The following ABCA9 variants were observed in gnomAD, a reference collection of about 807,000 sequenced individuals.
ABCA9 encodes the protein ATP-binding cassette sub-family A member 9.
Under a neutral mutation model 205.3 loss-of-function variants are expected in ABCA9, and 183 were observed. The ratio of observed to expected loss-of-function variants is 0.89; its 90% confidence interval spans 0.79 to 1.01. The LOEUF (loss-of-function observed/expected upper bound fraction) is 1.01. Among genes scored for constraint, ABCA9 ranks in the 50% least tolerant of loss-of-function variants. The pLI, the probability that ABCA9 is intolerant of heterozygous loss-of-function variation, is 0.00. For missense variants in ABCA9, 1,805 were observed against 1,912.4 expected, an observed-to-expected ratio of 0.94 and a Z score of 1.05; for synonymous variants, 651 against 683.3, an observed-to-expected ratio of 0.95 and a Z score of 0.74.
At chr17:68,985,427 T>A (rs1231914663) in intron 32 of ABCA9, among the ~76,000 whole-genome samples, 1 of 151,948 alleles carries the variant, frequency 6.6e-6, no homozygotes, top group Non-Finnish European at 1.5e-5. Context: ...ATTGAGACCA[T>A]CCTGGCCAAC....
At chr17:68,989,550 A>T (rs118015720) in intron 30 of ABCA9, among the ~76,000 whole-genome samples, 4,494 of 152,186 alleles carry the variant, frequency 0.03, 102 homozygotes, top group Non-Finnish European at 0.048. Context: ...TTACCTAAAA[A>T]CTATACCATC....
intron 25 of ABCA9, among the ~76,000 whole-genome samples, chr17:69,005,356 C>T (rs909160780): frequency 2.0e-5 from 3 of 152,124 alleles, no homozygotes; most frequent in African/African-American, 7.2e-5. Flanking sequence ...AAGGGGTGGG[C>T]ACCCTATTAG....
intron 21 of ABCA9, 35 bp downstream of exon 21, chr17:69,017,621 C>G: frequency 6.2e-7 from 1 of 1,610,460 alleles, no homozygotes; most frequent in Non-Finnish European, 8.5e-7. Context: ...CATAGTCCAC[C>G]TTTGGTGAAA....
intron 32 of ABCA9, among the ~76,000 whole-genome samples, chr17:68,985,943 AGAAAAAAAAAG>A (rs1884467071): frequency 1.3e-5 from 2 of 150,148 alleles, no homozygotes; most frequent in Admixed American, 6.6e-5. Flanking sequence ...CCGTCTCAAA[AGAAAAAAAAAG>A]GAAAAAAGAA....
chr17:68,992,821 A>T (rs1041725326), intron 27 of ABCA9, 195 bp downstream of exon 27: 67 of 408,386 alleles, frequency 1.6e-4, no homozygotes, highest in Non-Finnish European at 2.8e-4. Context: ...CTCAAAAAAA[A>T]AAAAGGGGGG....
intron 23 of ABCA9, among the ~76,000 whole-genome samples, chr17:69,010,873 C>T (rs7207125): frequency 0.7 from 106,115 of 152,018 alleles, 37,502 homozygotes; most frequent in Middle Eastern, 0.76. Context: ...TTTGCTAAAA[C>T]AGGAAAATCA....
chr17:69,049,951 G>GT (rs1436000856), intron 2 of ABCA9, among the ~76,000 whole-genome samples: 1 of 151,862 alleles, frequency 6.6e-6, no homozygotes, highest in Non-Finnish European at 1.5e-5. Context: ...AAAAAACAAA[G>GT]TTTTTTTGAA....
chr17:69,052,072 A>G (rs1425664562), intron 1 of ABCA9, among the ~76,000 whole-genome samples: 2 of 152,194 alleles, frequency 1.3e-5, no homozygotes, highest in African/African-American at 2.4e-5. Context: ...ATGTCCAGCT[A>G]CCAAGAAAAA....
intron 5 of ABCA9, 85 bp downstream of exon 5, chr17:69,044,412 A>C: frequency 8.6e-7 from 1 of 1,165,882 alleles, no homozygotes; most frequent in Non-Finnish European, 1.2e-6. Context: ...GAAGTGAATA[A>C]ATGATAGAAT....
chr17:69,037,310 C>T (rs951936841), intron 6 of ABCA9, among the ~76,000 whole-genome samples: 14 of 151,936 alleles, frequency 9.2e-5, no homozygotes, highest in Admixed American at 4.6e-4. Context: ...ACTACATAAT[C>T]GGAAGTAAAA....
At chr17:69,066,855 T>C in the ABCA9 span, among the ~76,000 whole-genome samples, 1 of 152,326 alleles carries the variant, frequency 6.6e-6, no homozygotes, top group Middle Eastern at 3.4e-3. Context: ...TCATAAGTCC[T>C]GCTGCCTTAA....
chr17:68,999,773 T>A (rs1193098711), intron 25 of ABCA9, among the ~76,000 whole-genome samples: 46 of 152,222 alleles, frequency 3.0e-4, no homozygotes, highest in Admixed American at 2.2e-3. Flanking sequence ...TTTCTCCACA[T>A]CCTCTCCAGC....
chr17:68,986,856 G>GCACA (rs1225030051), intron 31 of ABCA9: 2 of 152,144 alleles, frequency 1.3e-5, no homozygotes, highest in African/African-American at 4.8e-5. Context: ...ATCCTACTAT[G>GCACA]CACAGAACAG....
chr17:68,998,485 T>A (rs547032788), intron 25 of ABCA9, among the ~76,000 whole-genome samples: 1 of 152,326 alleles, frequency 6.6e-6, no homozygotes, highest in East Asian at 1.9e-4. Context: ...TTTCATTTAC[T>A]TCTTGGGAGC....
chr17:69,001,907 A>G (rs2069887858), intron 25 of ABCA9, among the ~76,000 whole-genome samples: 2 of 151,508 alleles, frequency 1.3e-5, no homozygotes, highest in African/African-American at 4.8e-5. Context: ...ATTTGTGTAG[A>G]GGTGTTTGTA....
chr17:69,035,771 G>A lies in ABCA9; in HGVS notation c.831C>T (p.Phe277=), dbSNP rs374627784. 1 of 1,613,540 alleles carries A rather than the reference G, an allele frequency of 6.2e-7. No individual in the cohort carries two copies. The highest frequency in any genetic ancestry group is 8.5e-7 in the Non-Finnish European group (1 of 1,179,762). Residue 277 remains phenylalanine, a synonymous_variant, in exon 7 of 39, where the codon TTC becomes TTT. Coordinates refer to ENST00000340001, the MANE Select transcript of ABCA9 (RefSeq NM_080283.4). ...CCATTAAAGTGGCCATGATAAGGAT[G>A]AAGCCAGCATACATCAAACCCCAGG... is the stretch of plus-strand genomic sequence containing the variant. ...WLSWGLMYAG[F]ILIMATLMAL... is the part of the protein sequence containing the mutation.
At position 69,018,465 on chromosome 17, in the gene ABCA9, T is replaced by G; in HGVS notation, c.2715A>C (p.Pro905=). The G allele has an allele frequency of 6.2e-7, 1 of 1,607,756 alleles. No homozygotes were observed. Among genetic ancestry groups the G allele is most frequent in the Non-Finnish European group, 8.5e-7 (1 of 1,177,700 alleles). The change falls in exon 20 of 39, where the codon CCA becomes CCC. Residue 905 remains proline (P), a synonymous_variant. Coordinates refer to ENST00000340001, the MANE Select transcript of ABCA9 (RefSeq NM_080283.4). ...TCAGAGGATCCTGTGGTTGTTGTCCTGGTGAGAGGAAGTATGTATTTGGAG... is the reference window on the plus strand; with the variant it reads ...TCAGAGGATCCTGTGGTTGTTGTCCGGGTGAGAGGAAGTATGTATTTGGAG... ...ELSPNTYFLS[P]GQQPQDPLTH...
chr17:69,028,520 T>C lies in ABCA9; in HGVS notation c.1615+15A>G. 1 of 1,533,012 alleles carries C rather than the reference T, an allele frequency of 6.5e-7. No homozygotes were observed. The highest frequency in any genetic ancestry group is 1.4e-5 in the African/African-American group (1 of 72,538). 95.0% of individuals were successfully genotyped at this position (1,533,012 alleles called of 1,614,324 possible). A position where few individuals can be genotyped will look rare whatever the true frequency, so the allele number is the denominator to read the frequency against. ...GTTTGTCCAGGTACTTGTCCTTGGA[T>C]AACTGTCTTCTTACCTGATGTTGGA... On this transcript the variant is annotated intron_variant, in intron 12 of 38. Transcript: ENST00000340001.
chr17:69,015,192 A>C (rs2070541951), intron 22 of ABCA9, among the ~76,000 whole-genome samples: 1 of 152,182 alleles, frequency 6.6e-6, no homozygotes, highest in Admixed American at 6.6e-5. Flanking sequence ...ATGGAAGAGC[A>C]AATCACACCA....
Sources: allele counts gnomAD v4.1 joint callset (sites outside exome capture counted in the v4.1 genomes callset), GRCh38; gene constraint gnomAD v4.1.1; transcripts MANE v1.5; gene names NCBI Gene and HGNC (gene_info 2026-07-23, HGNC 2026-07-21).